CLVS1: variants seen among roughly 807,000 people sequenced by gnomAD.
The protein encoded by CLVS1 is clavesin 1, also known as clavesin-1.
A neutral mutation model predicts 33.1 loss-of-function variants in CLVS1; 10 were observed. The ratio of observed to expected loss-of-function variants is 0.30; its 90% CI spans 0.19 to 0.51. The LOEUF is 0.51. Ranked by LOEUF, CLVS1 falls within the 20% of genes least tolerant of loss-of-function variation. CLVS1 has a pLI of 0.97. For synonymous variants in CLVS1, 163 were observed against 166.1 expected, an observed-to-expected ratio of 0.98 and a Z score of 0.14; for missense variants, 343 against 433.4, an observed-to-expected ratio of 0.79 and a Z score of 1.85.
chr8:61,200,401 G>A lies in CLVS1; in HGVS notation c.-152+68541G>A, dbSNP rs970399184. Among the ~76,000 whole-genome samples the A allele has an allele frequency of 5.3e-5, 8 of 152,158 alleles. No individual in the cohort carries two copies. The South Asian group carries it at 6.2e-4, about 12-fold the overall frequency. On this transcript the variant is annotated intron_variant, in intron 2 of 2. Transcript: ENST00000522621. ...CTCCCAGAGTGCTGGGATTACAGGC[G>A]TGGGCCACCACGGCCAGCCTACACT...
chr8:61,289,060 A>G (rs1211025240), intron 1 of CLVS1, among the ~76,000 whole-genome samples: 1 of 152,226 alleles, frequency 6.6e-6, no homozygotes, highest in African/African-American at 2.4e-5. Flanking sequence ...TTTGAAGCAA[A>G]GAAGATAGAT....
At chr8:61,096,905 C>T (rs913092265) in intron 1 of CLVS1, among the ~76,000 whole-genome samples, 10 of 152,102 alleles carry the variant, frequency 6.6e-5, no homozygotes, top group African/African-American at 2.4e-4. Flanking sequence ...CACTGTTGTC[C>T]TCTCCACTAG....
intron 2 of CLVS1, among the ~76,000 whole-genome samples, chr8:61,226,980 G>GTTTTTTTTTTTTTTTTT (rs55718731): frequency 1.5e-5 from 2 of 132,310 alleles, no homozygotes; most frequent in Non-Finnish European, 1.6e-5. Context: ...ACGAAAACAT[G>GTTTTTTTTTTTTTTTTT]TTTTTTTTTT....
intron 1 of CLVS1, among the ~76,000 whole-genome samples, chr8:61,061,413 T>C (rs1275544160): frequency 6.6e-6 from 1 of 152,192 alleles, no homozygotes; most frequent in East Asian, 1.9e-4. Context: ...AGTCCTTTGC[T>C]ACCAGGCCAT....
the CLVS1 span, among the ~76,000 whole-genome samples, chr8:61,011,552 G>A: frequency 6.6e-6 from 1 of 152,060 alleles, no homozygotes; most frequent in Admixed American, 6.6e-5. Flanking sequence ...GGGTTCAAGC[G>A]ATTCCCCTGC....
At chr8:61,430,436 G>A (rs553504985) in intron 3 of CLVS1, among the ~76,000 whole-genome samples, 2 of 152,230 alleles carry the variant, frequency 1.3e-5, no homozygotes, top group East Asian at 3.9e-4. Context: ...GAAAGGAGGG[G>A]GAAATAAAAT....
At chr8:61,438,226 C>A (rs551449913) in intron 3 of CLVS1, among the ~76,000 whole-genome samples, 1 of 152,066 alleles carries the variant, frequency 6.6e-6, no homozygotes, top group Non-Finnish European at 1.5e-5. Context: ...CCCCTCCCTG[C>A]GTCTATGTGT....
intron 2 of CLVS1, among the ~76,000 whole-genome samples, chr8:61,134,048 A>C (rs1182460561): frequency 6.6e-6 from 1 of 152,160 alleles, no homozygotes; most frequent in Non-Finnish European, 1.5e-5. Context: ...TGCATTTGAG[A>C]TGTTTATGAG....
the CLVS1 span, among the ~76,000 whole-genome samples, chr8:61,017,114 AG>A: frequency 6.6e-6 from 1 of 152,214 alleles, no homozygotes; most frequent in South Asian, 2.1e-4. Context: ...ACATTAGGCC[AG>A]GGCTGCACTG....
At chr8:61,495,776 C>A (rs1158971063) in intron 5 of CLVS1, among the ~76,000 whole-genome samples, 1 of 152,112 alleles carries the variant, frequency 6.6e-6, no homozygotes, top group Non-Finnish European at 1.5e-5. Flanking sequence ...GAGCAAAAAA[C>A]AAACCAAAAA....
At chr8:61,419,299 C>A (rs746600996) in intron 3 of CLVS1, among the ~76,000 whole-genome samples, 3 of 149,154 alleles carry the variant, frequency 2.0e-5, no homozygotes, top group Non-Finnish European at 4.4e-5. Context: ...CAGGAGGCTG[C>A]GGCAGGAGAA....
At chr8:61,451,812 C>G (rs76825997) in intron 3 of CLVS1, among the ~76,000 whole-genome samples, 10,365 of 142,540 alleles carry the variant, frequency 0.073, 397 homozygotes, top group Non-Finnish European at 0.09. Flanking sequence ...CACACACACA[C>G]AGAGAGAGAG....
In CLVS1 at chr8:61,383,429, TTAGA is replaced by T. The variant is rs570902497; in HGVS notation, c.630+6655_630+6658del. On this transcript the variant is annotated intron_variant, in intron 3 of 5. Coordinates refer to ENST00000325897, the MANE Select transcript of CLVS1 (RefSeq NM_173519.3). ...TACAGTTTTCATGTATTAAAGAATG[TTAGA>T]TAGAACAGATGGAAGGAGAAGGATA... Among the ~76,000 whole-genome samples the T allele has an allele frequency of 8.1e-4, 124 of 152,356 alleles. 1 individual carries two copies. Among genetic ancestry groups the T allele is most frequent in the Non-Finnish European group, 1.0e-3 (71 of 68,042 alleles).
At chr8:61,051,774 T>C in the CLVS1 span, among the ~76,000 whole-genome samples, 2 of 152,260 alleles carry the variant, frequency 1.3e-5, no homozygotes, top group African/African-American at 4.8e-5. Flanking sequence ...ACCTGGCATC[T>C]GGCCGTGCTG....
chr8:61,033,046 AAAAAGAAAGAAAGAT>A, the CLVS1 span, among the ~76,000 whole-genome samples: 14 of 94,596 alleles, frequency 1.5e-4, 1 homozygote, highest in Non-Finnish European at 3.4e-4. Context: ...AGAAAGAAAG[AAAAAGAAAGAAAGAT>A]AGAAAGAAAG....
intron 1 of CLVS1, among the ~76,000 whole-genome samples, chr8:61,069,954 G>A (rs1159750799): frequency 6.6e-6 from 1 of 151,994 alleles, no homozygotes. Context: ...CACCATGCCT[G>A]GCTAATTTTT....
the CLVS1 span, among the ~76,000 whole-genome samples, chr8:60,978,137 A>C: frequency 6.6e-6 from 1 of 152,246 alleles, no homozygotes; most frequent in Non-Finnish European, 1.5e-5. Flanking sequence ...GGCCTGGTAC[A>C]GAAATGTTAA....
chr8:61,357,682 T>A (rs533762248), intron 2 of CLVS1, among the ~76,000 whole-genome samples: 23 of 151,674 alleles, frequency 1.5e-4, no homozygotes, highest in Admixed American at 1.3e-3. Context: ...ATTTTTTGTA[T>A]TTTTAGTAGA....
chr8:61,227,750 T>G (rs966851063), intron 2 of CLVS1, among the ~76,000 whole-genome samples: 2 of 152,212 alleles, frequency 1.3e-5, no homozygotes, highest in Non-Finnish European at 2.9e-5. Flanking sequence ...TTGGAATAAT[T>G]GATACCCAAA....
Sources: gnomAD v4.1 joint callset for allele counts (sites outside exome capture counted in the v4.1 genomes callset) on GRCh38, gnomAD v4.1.1 for gene constraint, MANE v1.5 for transcripts, NCBI Gene and HGNC (gene_info 2026-07-23, HGNC 2026-07-21) for gene names.